Variants in YY1AP1 observed in about 807,000 individuals in gnomAD.
The protein encoded by YY1AP1 is YY1 associated protein 1.
In YY1AP1, 43 loss-of-function variants were observed where a neutral mutation model predicts 39.9. That is an observed-to-expected ratio of 1.08 (90% CI 0.84 to 1.39). The LOEUF (loss-of-function observed/expected upper bound fraction) is 1.39. YY1AP1 is among the 40% of genes most tolerant of loss of function. The pLI is 0.00. For missense variants in YY1AP1, 813 were observed against 900.7 expected (o/e 0.90, Z 1.25); for synonymous variants, 292 against 331.3 (o/e 0.88, Z 1.29).
chr1:155,680,579 A>G (rs556660489), intron 2 of YY1AP1, 123 bp from the exon 3 acceptor site: 5 of 810,936 alleles, frequency 6.2e-6, no homozygotes, highest in South Asian at 6.0e-5. Context: ...ATCTATCCTT[A>G]TTCCTGAGAC....
In YY1AP1 at chr1:155,659,514, C is replaced by CT. The variant is rs1275889174; in HGVS notation, c.*142dup. ...GTATATTCCACAGAGTGGGAGCAGG[C>CT]TAAAGCAAGCTGCTCAAGAGCCCCA... On this transcript the variant is annotated 3_prime_UTR_variant, in exon 11 of 11. Coordinates refer to ENST00000355499, the MANE Select transcript of YY1AP1 (RefSeq NM_139119.3). The CT allele has an allele frequency of 1.3e-6, 1 of 785,986 alleles. No homozygotes were observed. Among genetic ancestry groups the CT allele is most frequent in the Admixed American group, 2.3e-5 (1 of 43,904 alleles). 48.7% of individuals were successfully genotyped at this position (785,986 alleles called of 1,614,324 possible). A position where few individuals can be genotyped will look rare whatever the true frequency, so the allele number is the denominator to read the frequency against.
rs768966023 is a variant in YY1AP1, at chr1:155,686,026, CTTTTTTT to C, written c.-21+2038_-21+2044del. Reference sequence around the variant, plus strand: ...GGGATCCTTACTACATGAAATCAGTCTTTTTTTTTTTTTTTTTTTTTTTTTTGGAGAT... The same window carrying C: ...GGGATCCTTACTACATGAAATCAGTCTTTTTTTTTTTTTTTTTTTGGAGAT... On this transcript the variant is annotated intron_variant, in intron 2 of 10. Transcript: ENST00000355499. Among the ~76,000 whole-genome samples, 18 of 76,344 alleles carry C rather than the reference CTTTTTTT, an allele frequency of 2.4e-4. 1 individual carries two copies. The East Asian group carries it at 4.8e-3, about 20-fold the overall frequency. The allele number at this position is 76,344 out of a possible 152,430, so 50.1% of individuals were successfully genotyped here.
chr1:155,678,047 C>T (rs1054666795), intron 4 of YY1AP1, among the ~76,000 whole-genome samples: 3 of 152,174 alleles, frequency 2.0e-5, no homozygotes, highest in Admixed American at 6.5e-5. Flanking sequence ...TACAGTCATG[C>T]GCCACAGAAT....
At chr1:155,685,858 G>A (rs768112150) in intron 2 of YY1AP1, among the ~76,000 whole-genome samples, 5 of 151,854 alleles carry the variant, frequency 3.3e-5, no homozygotes, top group Non-Finnish European at 7.4e-5. Flanking sequence ...TCTTTCATCC[G>A]ATTCTCTGAA....
intron 9 of YY1AP1, among the ~76,000 whole-genome samples, chr1:155,663,502 C>T (rs953336322): frequency 5.3e-5 from 8 of 151,940 alleles, no homozygotes; most frequent in South Asian, 4.1e-4. Context: ...GGGTGGGTCA[C>T]GAGGTCAGGA....
rs1457928062 is a variant in YY1AP1, at chr1:155,688,766, C to T, written c.-259G>A. The stretch of plus-strand genomic sequence containing the variant: ...GCCAAAGCAGCCGCCGCCAGCACCC[C>T]CACCCTACACTCCTCGCGCGTGCGC... On this transcript the variant is annotated 5_prime_UTR_variant, in exon 1 of 11. Coordinates refer to ENST00000355499, the MANE Select transcript of YY1AP1 (RefSeq NM_139119.3). 7 of 1,528,360 alleles carry T rather than the reference C, an allele frequency of 4.6e-6. No homozygotes were observed. The highest frequency in any genetic ancestry group is 2.1e-5 in the Admixed American group (1 of 47,258). The allele number at this position is 1,528,360 out of a possible 1,614,324, so 94.7% of individuals were successfully genotyped here.
chr1:155,664,698 AG>A (rs1385218975), intron 9 of YY1AP1, among the ~76,000 whole-genome samples: 3 of 152,156 alleles, frequency 2.0e-5, no homozygotes, highest in African/African-American at 7.2e-5. Flanking sequence ...TCTCAAAAAA[AG>A]AAAAAAAATA....
At chr1:155,685,043 T>C (rs1410713627) in intron 2 of YY1AP1, among the ~76,000 whole-genome samples, 2 of 152,210 alleles carry the variant, frequency 1.3e-5, no homozygotes, top group South Asian at 2.1e-4. Context: ...ATAAACTCAC[T>C]GTAGAGATAC....
Position 155,661,145 on chromosome 1 carries a change from C to T in YY1AP1, c.996+162G>A, listed in dbSNP as rs1033322362. On this transcript the variant is annotated intron_variant, in intron 10 of 10. Coordinates refer to ENST00000355499, the MANE Select transcript of YY1AP1 (RefSeq NM_139119.3). ...ATTTTGAAAATGTTGTAGAATCACC[C>T]GGAGAAGGGCAGAAAAGTAAGGGAA... is the stretch of plus-strand genomic sequence containing the variant. 6.2e-5 allele frequency: 96 copies of T among 1,556,750 alleles called. No homozygotes were observed. In the Admixed American group the frequency reaches 7.7e-4, roughly 12 times the overall value.
intron 9 of YY1AP1, among the ~76,000 whole-genome samples, chr1:155,668,088 G>C (rs1482400361): frequency 6.6e-6 from 1 of 152,034 alleles, no homozygotes; most frequent in Non-Finnish European, 1.5e-5. Flanking sequence ...GATCACTTGA[G>C]GTCAGAAGTT....
chr1:155,681,476 T>A (rs960757638), intron 2 of YY1AP1, among the ~76,000 whole-genome samples: 1 of 152,154 alleles, frequency 6.6e-6, no homozygotes, highest in African/African-American at 2.4e-5. Context: ...TAGTCCCATA[T>A]ACTTGAGAGG....
chr1:155,667,740 T>G (rs572426137), intron 9 of YY1AP1, among the ~76,000 whole-genome samples: 2 of 151,910 alleles, frequency 1.3e-5, no homozygotes, highest in African/African-American at 4.8e-5. Flanking sequence ...GAGAATCACT[T>G]GAACCCAGGA....
rs756304701 is a variant in YY1AP1 at position 155,668,700 on chromosome 1, C to T, written c.806G>A (p.Cys269Tyr). The T allele has an allele frequency of 1.9e-6, 3 of 1,614,158 alleles. No homozygotes were observed. Among genetic ancestry groups the T allele is most frequent in the Non-Finnish European group, 2.5e-6 (3 of 1,180,024 alleles). ...NPLISKYLLT[C>Y]KTARQLTVRI... ...CACTGTCAGTTGGCGGGCAGTCTTG[C>T]AGGTTAGAAGGTACTTGCTGATTAG... Residue 269 changes from cysteine to tyrosine, a missense_variant, in exon 9 of 11, where the codon TGC becomes TAC. Transcript: ENST00000355499.
chr1:155,675,087 G>C lies in YY1AP1; in HGVS notation c.334C>G (p.Leu112Val). 1 of 1,613,474 alleles carries C rather than the reference G, an allele frequency of 6.2e-7. No individual in the cohort carries two copies. Among genetic ancestry groups the C allele is most frequent in the Non-Finnish European group, 8.5e-7 (1 of 1,179,614 alleles). ...LQQQMQQHVQ[L>V]LTQIHLLATC... ...GCAAGAAGGTGGATTTGTGTCAAGA[G>C]CTGAACATGCTGGGGAGAGAAAGAA... Residue 112 changes from leucine (L) to valine (V), a missense_variant, in exon 6 of 11, where the codon CTC becomes GTC. Around this residue, in one of 3 missense-constraint regions of YY1AP1, gnomAD observed 196 missense variants for 189.7 expected, o/e 1.03. Coordinates refer to ENST00000355499, the MANE Select transcript of YY1AP1 (RefSeq NM_139119.3).
chr1:155,661,705 G>A (rs1253081478), intron 9 of YY1AP1, among the ~76,000 whole-genome samples: 1 of 152,180 alleles, frequency 6.6e-6, no homozygotes, highest in East Asian at 1.9e-4. Context: ...GCCCAGGATG[G>A]AGTGCAATGG....
chr1:155,680,669 C>A (rs1004430794), intron 2 of YY1AP1, among the ~76,000 whole-genome samples: 1 of 152,150 alleles, frequency 6.6e-6, no homozygotes, highest in South Asian at 2.1e-4. Context: ...CAGGCTCAAG[C>A]GATCCTCCCA....
chr1:155,686,304 C>A (rs1306441985), intron 2 of YY1AP1, among the ~76,000 whole-genome samples: 1 of 152,094 alleles, frequency 6.6e-6, no homozygotes, highest in African/African-American at 2.4e-5. Context: ...GATCCGCCCA[C>A]CTCGGCCTCC....
chr1:155,666,749 C>T (rs749378754), intron 9 of YY1AP1, among the ~76,000 whole-genome samples: 4 of 152,034 alleles, frequency 2.6e-5, no homozygotes, highest in Admixed American at 6.6e-5. Context: ...CCTATAATTC[C>T]AGCACTTTGG....
chr1:155,678,228 A>G (rs1275286449), intron 4 of YY1AP1, among the ~76,000 whole-genome samples: 1 of 152,220 alleles, frequency 6.6e-6, no homozygotes, highest in Non-Finnish European at 1.5e-5. Context: ...ATAGGTATGC[A>G]GTAGGCTAAA....
Sources: allele counts gnomAD v4.1 joint callset (sites outside exome capture counted in the v4.1 genomes callset), GRCh38; gene constraint gnomAD v4.1.1; regional missense constraint gnomAD v4.1.1; transcripts MANE v1.5; gene names NCBI Gene and HGNC (gene_info 2026-07-23, HGNC 2026-07-21).